The following LMX1B variants were observed in gnomAD, a reference collection of about 807,000 sequenced individuals.
LMX1B encodes LIM homeobox transcription factor 1-beta.
In LMX1B, 12 loss-of-function variants were observed where a neutral mutation model predicts 51.4. That is an observed-to-expected ratio of 0.23 (90% CI 0.15 to 0.38). The LOEUF (loss-of-function observed/expected upper bound fraction) is 0.38. LMX1B is among the 10% of genes least tolerant of loss of function. The pLI is 1.00. For missense variants in LMX1B, 445 were observed against 571.1 expected, an observed-to-expected ratio of 0.78 and a Z score of 2.25; for synonymous variants, 237 against 235.4, an observed-to-expected ratio of 1.01 and a Z score of -0.06.
intron 2 of LMX1B, among the ~76,000 whole-genome samples, chr9:126,630,750 G>A (rs952567971): frequency 6.6e-6 from 1 of 152,260 alleles, no homozygotes; most frequent in Non-Finnish European, 1.5e-5. Flanking sequence ...GAGAGGGAAG[G>A]TGATTTTCCA....
chr9:126,675,824 C>T (rs1199580430), intron 2 of LMX1B, among the ~76,000 whole-genome samples: 1 of 150,754 alleles, frequency 6.6e-6, no homozygotes, highest in Non-Finnish European at 1.5e-5. Context: ...CCGAGGCGGG[C>T]GGATCACGAG....
intron 2 of LMX1B, among the ~76,000 whole-genome samples, chr9:126,633,832 A>G (rs1320190362): frequency 6.6e-6 from 1 of 152,192 alleles, no homozygotes; most frequent in Non-Finnish European, 1.5e-5. Context: ...ATTCAACCGT[A>G]AGCCTCATAG....
In LMX1B at chr9:126,693,768, AC is replaced by A; in HGVS notation, c.844del (p.Gln282SerfsTer24). 1 of 1,517,832 alleles carries A rather than the reference AC, an allele frequency of 6.6e-7. No homozygotes were observed. 94.0% of individuals were successfully genotyped at this position (1,517,832 alleles called of 1,614,324 possible). ...RAKMKKLARR[H>X]QQQQEQQNSQ... Reference sequence around the variant, plus strand: ...CAGATGAAGAAGCTGGCGCGGCGGCACCAGCAGCAGCAGGAGCAGCAGAACT... The same window carrying A: ...CAGATGAAGAAGCTGGCGCGGCGGCACAGCAGCAGCAGGAGCAGCAGAACT... On this transcript the variant is annotated frameshift_variant, in exon 6 of 8. Transcript: ENST00000373474. LOFTEE classifies it high-confidence loss of function.
chr9:126,645,654 AG>A (rs1835886742), intron 2 of LMX1B, among the ~76,000 whole-genome samples: 1 of 152,172 alleles, frequency 6.6e-6, no homozygotes, highest in South Asian at 2.1e-4. Flanking sequence ...TGAGGGTGGA[AG>A]ACCTGCCCTC....
intron 2 of LMX1B, among the ~76,000 whole-genome samples, chr9:126,659,419 G>A (rs991439611): frequency 6.6e-6 from 1 of 152,250 alleles, no homozygotes; most frequent in Admixed American, 6.5e-5. Context: ...CTGGGCCAGG[G>A]CTAGGTCGGC....
intron 2 of LMX1B, among the ~76,000 whole-genome samples, chr9:126,627,928 C>T (rs149100512): frequency 6.6e-5 from 10 of 152,340 alleles, no homozygotes; most frequent in African/African-American, 2.2e-4. Context: ...CACTGGCCTA[C>T]TCTGTCTTCC....
rs548326774 is a variant in LMX1B at position 126,659,005 on chromosome 9, G to A, written c.327-31831G>A. On this transcript the variant is annotated intron_variant, in intron 2 of 7. Coordinates refer to ENST00000373474, the MANE Select transcript of LMX1B (RefSeq NM_001174147.2). ...GGGACCCTTCAGGGGGCTGAGAGGC[G>A]GGTGTTCTGGGGCTGGGGTCTGCCG... Among the ~76,000 whole-genome samples, 119 of 152,334 alleles carry A rather than the reference G, an allele frequency of 7.8e-4. 1 individual carries two copies. Among genetic ancestry groups the A allele is most frequent in the Middle Eastern group, 3.4e-3 (1 of 294 alleles).
At chr9:126,696,271 C>T (rs1036787783) in intron 7 of LMX1B, 23 bp from the exon 8 acceptor site, 5 of 1,613,264 alleles carry the variant, frequency 3.1e-6, no homozygotes, top group Non-Finnish European at 4.2e-6. Flanking sequence ...TACCCCGGTC[C>T]TGACACCCCT....
chr9:126,623,408 A>T (rs1295073073), intron 2 of LMX1B, among the ~76,000 whole-genome samples: 1 of 152,214 alleles, frequency 6.6e-6, no homozygotes, highest in Non-Finnish European at 1.5e-5. Context: ...GTGCCTCTAG[A>T]AGGGCAAGGC....
At chr9:126,660,687 G>T (rs888386393) in intron 2 of LMX1B, among the ~76,000 whole-genome samples, 2 of 152,174 alleles carry the variant, frequency 1.3e-5, no homozygotes, top group African/African-American at 4.8e-5. Flanking sequence ...TCCATGTGAG[G>T]GGGATTGCAA....
rs1301049403 is a variant in LMX1B, at chr9:126,614,029, A to AC, written c.-417dup. On this transcript the variant is annotated 5_prime_UTR_variant, in exon 1 of 8. Transcript: ENST00000373474. ...CGCGGCCCGCTGCGCCCCGCCCGGGACCCCGCTGCGCCGCGCGCCCCCCCC... is the reference window on the plus strand; with the variant it reads ...CGCGGCCCGCTGCGCCCCGCCCGGGACCCCCGCTGCGCCGCGCGCCCCCCCC... 3.3e-5 allele frequency among the ~76,000 whole-genome samples: 3 copies of AC among 91,614 alleles called. No individual in the cohort carries two copies. The highest frequency in any genetic ancestry group is 1.2e-4 in the African/African-American group (3 of 25,552). The allele number at this position is 91,614 out of a possible 152,430, so 60.1% of individuals were successfully genotyped here. A position where few individuals can be genotyped will look rare whatever the true frequency, so the allele number is the denominator to read the frequency against.
At chr9:126,689,608 G>A (rs951570489) in intron 2 of LMX1B, among the ~76,000 whole-genome samples, 19 of 152,226 alleles carry the variant, frequency 1.2e-4, no homozygotes, top group Admixed American at 8.5e-4. Flanking sequence ...GGGGAGTGTC[G>A]GGAGGAGCGG....
intron 2 of LMX1B, among the ~76,000 whole-genome samples, chr9:126,624,036 G>C (rs1310803790): frequency 6.6e-6 from 1 of 152,248 alleles, no homozygotes; most frequent in African/African-American, 2.4e-5. Flanking sequence ...GTGTCACCAG[G>C]GGTTTAGCCC....
chr9:126,662,241 G>A (rs1353434092), intron 2 of LMX1B, among the ~76,000 whole-genome samples: 1 of 152,214 alleles, frequency 6.6e-6, no homozygotes, highest in African/African-American at 2.4e-5. Context: ...CTGGGAGGCT[G>A]TGCTGATTAA....
intron 2 of LMX1B, among the ~76,000 whole-genome samples, chr9:126,628,700 A>G (rs1009288397): frequency 6.6e-6 from 1 of 152,208 alleles, no homozygotes; most frequent in Admixed American, 6.5e-5. Context: ...CAGGCATGAA[A>G]TATGACTTTT....
intron 2 of LMX1B, among the ~76,000 whole-genome samples, chr9:126,627,756 G>A (rs1835562274): frequency 1.3e-5 from 2 of 152,112 alleles, no homozygotes; most frequent in African/African-American, 2.4e-5. Context: ...GGCTCTTCAG[G>A]ATCCCAGTAG....
rs1185066119 is a variant in LMX1B, at chr9:126,625,111, T to A, written c.326+9542T>A. Among the ~76,000 whole-genome samples the A allele has an allele frequency of 6.6e-6, 1 of 152,204 alleles. No homozygotes were observed. Among genetic ancestry groups the A allele is most frequent in the Non-Finnish European group, 1.5e-5 (1 of 68,032 alleles). On this transcript the variant is annotated intron_variant, in intron 2 of 7. Coordinates refer to ENST00000373474, the MANE Select transcript of LMX1B (RefSeq NM_001174147.2). The surrounding 1 kb of genome is among the most constrained non-coding windows in gnomAD (Gnocchi z 5.3). ...GAAACTTGCCATCCTAATCCCCTTA[T>A]TCATGTCAAGCACAGAAAAGAAGCC...
chr9:126,679,958 T>C (rs756540585), intron 2 of LMX1B, among the ~76,000 whole-genome samples: 36 of 152,220 alleles, frequency 2.4e-4, no homozygotes, highest in Non-Finnish European at 4.1e-4. Context: ...CCGGCTAAGT[T>C]TGAATGTCTT....
rs2030447828 is a variant in LMX1B, at chr9:126,699,037, CTCTT to C, written c.*2590_*2593del. 8.1e-6 allele frequency: 1 copy of C among 123,294 alleles called. No homozygotes were observed. The highest frequency in any genetic ancestry group is 3.0e-5 in the African/African-American group (1 of 33,528). The allele number at this position is 123,294 out of a possible 1,614,324, so 7.6% of individuals were successfully genotyped here. A position where few individuals can be genotyped will look rare whatever the true frequency, so the allele number is the denominator to read the frequency against. ...TGCACTGGCTTCTGGAGAGACACCC[CTCTT>C]TCTCCTTTTGCACATGCACCATCTG... On this transcript the variant is annotated 3_prime_UTR_variant, in exon 8 of 8. Coordinates refer to ENST00000373474, the MANE Select transcript of LMX1B (RefSeq NM_001174147.2).
Sources: gnomAD v4.1 joint callset for allele counts (sites outside exome capture counted in the v4.1 genomes callset) on GRCh38, gnomAD v4.1.1 for gene constraint, Gnocchi (gnomAD v3.1) non-coding constraint, MANE v1.5 for transcripts, NCBI Gene and HGNC (gene_info 2026-07-23, HGNC 2026-07-21) for gene names.